CPAMD8: variants seen among roughly 807,000 people sequenced by gnomAD.
CPAMD8 encodes the protein C3 and PZP-like alpha-2-macroglobulin domain-containing protein 8.
Under a neutral mutation model 224.7 loss-of-function variants are expected in CPAMD8, and 146 were observed. The observed-to-expected ratio is 0.65, with a 90% CI of 0.57 to 0.75. CPAMD8 has a LOEUF of 0.75. CPAMD8 is among the 30% of genes least tolerant of loss of function. The pLI is 0.00. For synonymous variants in CPAMD8, 966 were observed against 1,044.6 expected, an observed-to-expected ratio of 0.92 and a Z score of 1.45; for missense variants, 2,301 against 2,537.5, an observed-to-expected ratio of 0.91 and a Z score of 2.00.
intron 3 of CPAMD8, among the ~76,000 whole-genome samples, chr19:17,014,754 A>G (rs900946462): frequency 5.3e-5 from 8 of 152,198 alleles, no homozygotes; most frequent in African/African-American, 1.9e-4. Context: ...GGTCCCTCCC[A>G]CAACGTGTGG....
chr19:16,996,737 T>A (rs982866458), intron 11 of CPAMD8, among the ~76,000 whole-genome samples: 20 of 150,978 alleles, frequency 1.3e-4, no homozygotes, highest in African/African-American at 4.1e-4. Context: ...GAGAATCACT[T>A]GAACCTGGGA....
chr19:16,948,632 G>A (rs1365074942), intron 20 of CPAMD8, among the ~76,000 whole-genome samples: 2 of 151,726 alleles, frequency 1.3e-5, no homozygotes, highest in African/African-American at 4.8e-5. Flanking sequence ...CTACTCAGGA[G>A]GCTGAGGCAG....
At chr19:17,023,613 G>C (rs1403278073) in intron 1 of CPAMD8, among the ~76,000 whole-genome samples, 1 of 151,690 alleles carries the variant, frequency 6.6e-6, no homozygotes, top group Non-Finnish European at 1.5e-5. Context: ...ACTGAGTCTT[G>C]CTCTGTTGCC....
chr19:16,919,900 C>A (rs2053103346), intron 27 of CPAMD8, among the ~76,000 whole-genome samples: 1 of 152,212 alleles, frequency 6.6e-6, no homozygotes, highest in South Asian at 2.1e-4. Context: ...CGGCACTGCA[C>A]TGAGTGTACC....
Position 16,954,629 on chromosome 19 carries a change from G to A in CPAMD8, c.2277-2429C>T, listed in dbSNP as rs144467240. Among the ~76,000 whole-genome samples, 9 of 152,222 alleles carry A rather than the reference G, an allele frequency of 5.9e-5. No individual in the cohort carries two copies. In the South Asian group the frequency reaches 6.2e-4, roughly 11 times the overall value. ...GGTGGAAGCAACTCAAGGGTCCATC[G>A]ACAGAAAATAAATGGATAAACAAAA... On this transcript the variant is annotated intron_variant, in intron 19 of 41. Transcript: ENST00000443236.
chr19:17,017,094 C>T lies in CPAMD8; in HGVS notation c.267+3237G>A, dbSNP rs574853687. ...ATCACTCACATTACTGCCTAAGCTC[C>T]GCCTCCCATCAGATCAGTGGTGGCA... On this transcript the variant is annotated intron_variant, in intron 3 of 41. Coordinates refer to ENST00000443236, the MANE Select transcript of CPAMD8 (RefSeq NM_015692.5). Among the ~76,000 whole-genome samples the T allele has an allele frequency of 7.9e-5, 12 of 152,156 alleles. No individual in the cohort carries two copies. The South Asian group carries it at 1.7e-3, about 21-fold the overall frequency.
chr19:16,911,173 A>G (rs945318662), intron 29 of CPAMD8, among the ~76,000 whole-genome samples: 4 of 152,150 alleles, frequency 2.6e-5, no homozygotes, highest in African/African-American at 9.7e-5. Context: ...GGGGCTGCAC[A>G]GCAGGAGGTG....
Position 16,976,020 on chromosome 19 carries a change from G to A in CPAMD8, c.1890C>T (p.Phe630=). 6.3e-7 allele frequency: 1 copy of A among 1,598,428 alleles called. No individual in the cohort carries two copies. Among genetic ancestry groups the A allele is most frequent in the Non-Finnish European group, 8.5e-7 (1 of 1,171,898 alleles). ...DKSVYLLRSG[F]RLTPAQVFQE... is the part of the protein sequence containing the mutation. ...TGCTCACCTGGGCAGGAGTCAGCCG[G>A]AACCCAGACCTGAGCAGGTAGACAC... Residue 630 remains phenylalanine (F), a synonymous_variant, in exon 16 of 42, where the codon TTC becomes TTT. Coordinates refer to ENST00000443236, the MANE Select transcript of CPAMD8 (RefSeq NM_015692.5).
At chr19:16,921,719 C>T (rs906409068) in intron 27 of CPAMD8, among the ~76,000 whole-genome samples, 186 bp downstream of exon 27, 1 of 152,200 alleles carries the variant, frequency 6.6e-6, no homozygotes, top group African/African-American at 2.4e-5. Context: ...ATCACCAGCT[C>T]TGCACTGGCC....
chr19:16,982,857 G>C (rs2055564169), intron 13 of CPAMD8, among the ~76,000 whole-genome samples: 1 of 152,222 alleles, frequency 6.6e-6, no homozygotes, highest in East Asian at 1.9e-4. Context: ...ATCTCATCTT[G>C]AATTGTAGCT....
intron 23 of CPAMD8, among the ~76,000 whole-genome samples, chr19:16,936,899 T>C (rs1276726062): frequency 2.6e-5 from 4 of 152,238 alleles, no homozygotes; most frequent in Non-Finnish European, 5.9e-5. Context: ...TATTTATTAA[T>C]GTTTCCTTTT....
At chr19:17,008,818 T>G in intron 6 of CPAMD8, 1 of 537,948 alleles carries the variant, frequency 1.9e-6, no homozygotes, top group Non-Finnish European at 3.4e-6. Context: ...CTGGGTGTGG[T>G]GGCTCACACC....
At position 16,929,230 on chromosome 19, in the gene CPAMD8, G is replaced by A; in HGVS notation, c.2856C>T (p.His952=). The A allele has an allele frequency of 6.2e-7, 1 of 1,604,330 alleles. No homozygotes were observed. The highest frequency in any genetic ancestry group is 8.5e-7 in the Non-Finnish European group (1 of 1,172,786). The change falls in exon 24 of 42, where the codon CAC becomes CAT. Residue 952 remains histidine, a synonymous_variant. Transcript: ENST00000443236. ...ACTCATACTTGTTGGGGGTGGAGAT[G>A]TGGACTCTCTCTGGATGGAGGAAAG... ...SAFFCPSERV[H]ISTPNKYEFQ...
Position 16,925,218 on chromosome 19 carries a change from C to A in CPAMD8, c.3525G>T (p.Glu1175Asp), listed in dbSNP as rs372471932. 9 of 1,614,024 alleles carry A rather than the reference C, an allele frequency of 5.6e-6. No homozygotes were observed. In the African/African-American group the frequency reaches 1.1e-4, roughly 19 times the overall value. The change falls in exon 26 of 42, where the codon GAG becomes GAT. Residue 1175 changes from glutamate to aspartate, a missense_variant. By Grantham distance (45) the Glu-to-Asp change is conservative (BLOSUM62 2). Coordinates refer to ENST00000443236, the MANE Select transcript of CPAMD8 (RefSeq NM_015692.5). ...TACCTTGTACTAGGTAGTCGGTGGTCTCTCTCTCCACCTCAGGGCTGAGCT... is the reference window on the plus strand; with the variant it reads ...TACCTTGTACTAGGTAGTCGGTGGTATCTCTCTCCACCTCAGGGCTGAGCT... Reference protein sequence around the residue: ...TQQLSPEVERETTDYLVQGYQ... With the variant: ...TQQLSPEVERDTTDYLVQGYQ...
At chr19:16,925,489 C>A in intron 25 of CPAMD8, 117 bp from the exon 26 acceptor site, 1 of 799,714 alleles carries the variant, frequency 1.3e-6, no homozygotes. Context: ...ACCCAACTGC[C>A]CTTTGGGACT....
intron 20 of CPAMD8, among the ~76,000 whole-genome samples, chr19:16,948,868 AAAGGGAAGGGAAGGGAAGGGAAGGG>A (rs764171792): frequency 8.3e-4 from 24 of 29,086 alleles, no homozygotes; most frequent in African/African-American, 2.4e-3. Flanking sequence ...GAGGGAAAGG[AAAGGGAAGGGAAGGGAAGGGAAGGG>A]AAGGGAAGGG....
At chr19:16,944,684 G>A (rs1447145743) in intron 22 of CPAMD8, among the ~76,000 whole-genome samples, 1 of 152,118 alleles carries the variant, frequency 6.6e-6, no homozygotes, top group Non-Finnish European at 1.5e-5. Context: ...TTGTCCCCAA[G>A]GAATCCATCA....
Position 16,921,925 on chromosome 19 carries a change from C to G in CPAMD8, c.3609G>C (p.Arg1203=). ...CTCACCACATGCTCCCCGATGCGTC[C>G]CGCTCCCCAAACGCGCTGTAGGAGC... is the stretch of plus-strand genomic sequence containing the variant. ...QDGSYSAFGE[R]DASGSMWLTA... The change falls in exon 27 of 42, where the codon CGG becomes CGC. Residue 1203 remains arginine, a synonymous_variant. Coordinates refer to ENST00000443236, the MANE Select transcript of CPAMD8 (RefSeq NM_015692.5). The G allele has an allele frequency of 6.5e-7, 1 of 1,546,108 alleles. No individual in the cohort carries two copies. The highest frequency in any genetic ancestry group is 8.7e-7 in the Non-Finnish European group (1 of 1,146,614).
intron 41 of CPAMD8, 30 bp from the exon 42 acceptor site, chr19:16,893,369 C>G: frequency 2.8e-6 from 4 of 1,431,274 alleles, no homozygotes; most frequent in Non-Finnish European, 3.8e-6. Context: ...TTACAACATC[C>G]TCTACAGCAA....
Sources: allele counts gnomAD v4.1 joint callset (sites outside exome capture counted in the v4.1 genomes callset), GRCh38; gene constraint gnomAD v4.1.1; transcripts MANE v1.5; gene names NCBI Gene and HGNC (gene_info 2026-07-23, HGNC 2026-07-21).